ZNF721: variants seen among roughly 807,000 people sequenced by gnomAD.
The protein encoded by ZNF721 is zinc finger protein 721.
In ZNF721, 2 loss-of-function variants were observed where a neutral mutation model predicts 2.4. The ratio of observed to expected loss-of-function variants is 0.82; its 90% CI spans 0.34 to 2.58. ZNF721 has a LOEUF of 2.58. Among genes scored for constraint, ZNF721 ranks in the 30% most tolerant of loss-of-function variants. The pLI is 0.11. For missense variants in ZNF721, 1,187 were observed against 1,085.5 expected (o/e 1.09, Z -1.31); for synonymous variants, 398 against 381.8 (o/e 1.04, Z -0.50).
At chr4:490,803 T>C (rs1291062273) in intron 1 of ZNF721, among the ~76,000 whole-genome samples, 7 of 151,960 alleles carry the variant, frequency 4.6e-5, no homozygotes, top group African/African-American at 7.3e-5. Context: ...ATGAACCCTG[T>C]GCAGGCTGGG....
At chr4:479,461 T>A (rs1189636561) in intron 1 of ZNF721, among the ~76,000 whole-genome samples, 2 of 152,044 alleles carry the variant, frequency 1.3e-5, no homozygotes, top group African/African-American at 4.8e-5. Context: ...ACAGCACAGA[T>A]CCCTATATCC....
intron 1 of ZNF721, among the ~76,000 whole-genome samples, chr4:498,215 G>GAAAAAAAAA (rs797042296): frequency 3.8e-4 from 32 of 83,922 alleles, no homozygotes; most frequent in East Asian, 8.7e-4. Flanking sequence ...AAAAGAAAAA[G>GAAAAAAAAA]AAAAAAAAAA....
chr4:442,110 C>A lies in ZNF721; in HGVS notation c.2357G>T (p.Cys786Phe). ...TGAGGATGACGTAATGACTTTGCCA[C>A]ATTCCTTACATTTGTAGGGTTTCTT... ...TGKKPYKCKECGKVITSSSSF... is the reference protein window; with the variant it reads ...TGKKPYKCKEFGKVITSSSSF... Residue 786 changes from cysteine to phenylalanine, a missense_variant, in exon 3 of 3, where the codon TGT (cysteine) becomes TTT (phenylalanine). By Grantham distance (205) the Cys-to-Phe change is radical. Transcript: ENST00000511833. 1 of 1,613,906 alleles carries A rather than the reference C, an allele frequency of 6.2e-7. No homozygotes were observed. The highest frequency in any genetic ancestry group is 8.5e-7 in the Non-Finnish European group (1 of 1,179,812).
chr4:456,969 T>G (rs1282925835), intron 2 of ZNF721, among the ~76,000 whole-genome samples: 3 of 152,212 alleles, frequency 2.0e-5, no homozygotes, highest in Non-Finnish European at 4.4e-5. Flanking sequence ...TAAAAAATTC[T>G]GATCTATAAA....
At chr4:468,149 C>A (rs978395901) in intron 2 of ZNF721, among the ~76,000 whole-genome samples, 37 of 152,028 alleles carry the variant, frequency 2.4e-4, no homozygotes, top group Non-Finnish European at 3.2e-4. Flanking sequence ...CGCCTTTAGT[C>A]CCAGCTACTT....
chr4:488,905 G>C (rs1715960194), intron 1 of ZNF721, among the ~76,000 whole-genome samples: 1 of 152,152 alleles, frequency 6.6e-6, no homozygotes. Flanking sequence ...AGGCTGGTTA[G>C]GAAGATAGGG....
chr4:473,867 G>C (rs1206771383), intron 1 of ZNF721: 3 of 1,333,884 alleles, frequency 2.2e-6, no homozygotes, highest in East Asian at 3.7e-5. Flanking sequence ...GAGGACCGAG[G>C]GCTAAGCGGC....
At chr4:471,314 G>A (rs1715425188) in intron 2 of ZNF721, among the ~76,000 whole-genome samples, 1 of 152,044 alleles carries the variant, frequency 6.6e-6, no homozygotes, top group Non-Finnish European at 1.5e-5. Context: ...GTTCATTGTA[G>A]TATTTTTACA....
intron 2 of ZNF721, among the ~76,000 whole-genome samples, chr4:463,184 T>C (rs572847905): frequency 2.0e-5 from 3 of 152,236 alleles, no homozygotes; most frequent in Admixed American, 6.5e-5. Flanking sequence ...GTTAGAGAAA[T>C]GCAAATCAAA....
intron 2 of ZNF721, among the ~76,000 whole-genome samples, chr4:450,331 T>C (rs539180466): frequency 1.3e-3 from 202 of 152,338 alleles, no homozygotes; most frequent in African/African-American, 4.7e-3. Context: ...TAAAATAGTA[T>C]GCATCTACAA....
At chr4:453,759 T>G (rs782503941) in intron 2 of ZNF721, 1 of 152,220 alleles carries the variant, frequency 6.6e-6, no homozygotes, top group Non-Finnish European at 1.5e-5. Context: ...TGAATGGCTA[T>G]GTCACTATCA....
chr4:488,772 G>A (rs1403238443), intron 1 of ZNF721, among the ~76,000 whole-genome samples: 1 of 152,128 alleles, frequency 6.6e-6, no homozygotes, highest in Non-Finnish European at 1.5e-5. Flanking sequence ...GGATGTTGCA[G>A]TGAGCCGAGA....
chr4:442,272 C>G lies in ZNF721; in HGVS notation c.2195G>C (p.Arg732Thr). Reference sequence around the variant, plus strand: ...CAGGTTTGTGGACCATCCAAAGGATCTGCCACGATCTTCACATTTGTAGGG... The same window carrying G: ...CAGGTTTGTGGACCATCCAAAGGATGTGCCACGATCTTCACATTTGTAGGG... ...EKPYKCEDRGRSFGWSTNLNE... is the reference protein window; with the variant it reads ...EKPYKCEDRGTSFGWSTNLNE... Residue 732 changes from arginine (R) to threonine (T), a missense_variant, in exon 3 of 3, where the codon AGA (arginine) becomes ACA (threonine). Arg to Thr is a moderately conservative substitution (Grantham distance 71). Transcript: ENST00000511833. The G allele has an allele frequency of 9.9e-6, 16 of 1,613,124 alleles. No homozygotes were observed. The highest frequency in any genetic ancestry group is 1.4e-5 in the Non-Finnish European group (16 of 1,179,372).
At chr4:471,448 A>G (rs781866603) in intron 2 of ZNF721, among the ~76,000 whole-genome samples, 1 of 152,224 alleles carries the variant, frequency 6.6e-6, no homozygotes, top group Non-Finnish European at 1.5e-5. Flanking sequence ...AAATTAGCCA[A>G]ACACAGACAG....
In ZNF721 at chr4:448,952, G is replaced by A. The variant is rs541587918; in HGVS notation, c.35-4520C>T. Reference sequence around the variant, plus strand: ...ATTAAGTACAGTAAAGATAAACCTTGATGACATTAACACAAAATAAGTCAT... The same window carrying A: ...ATTAAGTACAGTAAAGATAAACCTTAATGACATTAACACAAAATAAGTCAT... On this transcript the variant is annotated intron_variant, in intron 2 of 2. Transcript: ENST00000511833. Among the ~76,000 whole-genome samples, 11 of 152,242 alleles carry A rather than the reference G, an allele frequency of 7.2e-5. No homozygotes were observed. The East Asian group carries it at 1.4e-3, about 19-fold the overall frequency.
chr4:489,843 A>C (rs782369719), intron 1 of ZNF721, among the ~76,000 whole-genome samples: 4 of 152,132 alleles, frequency 2.6e-5, no homozygotes, highest in Non-Finnish European at 5.9e-5. Flanking sequence ...AAACAATAAT[A>C]TTTTGGGTTT....
intron 2 of ZNF721, among the ~76,000 whole-genome samples, chr4:471,335 T>C (rs782547419): frequency 1.1e-4 from 17 of 152,170 alleles, no homozygotes; most frequent in Non-Finnish European, 2.4e-4. Context: ...ATAGCCAAAA[T>C]ATAGAGTGTA....
At chr4:493,075 A>C (rs1329020162) in intron 1 of ZNF721, among the ~76,000 whole-genome samples, 1 of 151,630 alleles carries the variant, frequency 6.6e-6, no homozygotes, top group Non-Finnish European at 1.5e-5. Flanking sequence ...CATTACATTT[A>C]CCTATTTTAA....
At chr4:491,224 G>T (rs55973591) in intron 1 of ZNF721, among the ~76,000 whole-genome samples, 23,559 of 151,990 alleles carry the variant, frequency 0.16, 2,264 homozygotes, top group Non-Finnish European at 0.23. Flanking sequence ...TCAGAAGTTC[G>T]AGACCAGCCT....
Sources: allele counts gnomAD v4.1 joint callset (sites outside exome capture counted in the v4.1 genomes callset), GRCh38; gene constraint gnomAD v4.1.1; transcripts MANE v1.5; gene names NCBI Gene and HGNC (gene_info 2026-07-23, HGNC 2026-07-21).